The following PRDM5 variants were observed in gnomAD, a reference collection of about 807,000 sequenced individuals.
PRDM5 encodes the protein PR domain zinc finger protein 5.
Under a neutral mutation model 81.2 loss-of-function variants are expected in PRDM5, and 56 were observed. The ratio of observed to expected loss-of-function variants is 0.69; its 90% CI spans 0.56 to 0.86. The LOEUF is 0.86. PRDM5 is among the 40% of genes least tolerant of loss of function. The pLI, the probability that PRDM5 is intolerant of heterozygous loss-of-function variation, is 0.00. For missense variants in PRDM5, 697 were observed against 770.1 expected, an observed-to-expected ratio of 0.91 and a Z score of 1.12; for synonymous variants, 267 against 256.4, an observed-to-expected ratio of 1.04 and a Z score of -0.39.
chr4:120,767,212 T>C (rs917209759), intron 13 of PRDM5, among the ~76,000 whole-genome samples: 10 of 152,186 alleles, frequency 6.6e-5, no homozygotes, highest in African/African-American at 2.2e-4. Context: ...CAATAGCTAA[T>C]TTATCACTGT....
chr4:120,734,391 A>ATC (rs1740748255), intron 14 of PRDM5, among the ~76,000 whole-genome samples: 13 of 147,516 alleles, frequency 8.8e-5, no homozygotes, highest in African/African-American at 3.3e-4. Context: ...ATGTTAGTGG[A>ATC]ACACACACAC....
chr4:120,872,500 C>T (rs978444175), intron 2 of PRDM5, among the ~76,000 whole-genome samples: 2 of 152,114 alleles, frequency 1.3e-5, no homozygotes, highest in African/African-American at 4.8e-5. Flanking sequence ...TCTAAAGTAG[C>T]CAAATCCTTA....
chr4:120,862,216 GAAC>G (rs1374442391), intron 2 of PRDM5, among the ~76,000 whole-genome samples: 2 of 152,146 alleles, frequency 1.3e-5, no homozygotes, highest in Non-Finnish European at 2.9e-5. Context: ...AACATTTACT[GAAC>G]AACATTTACT....
chr4:120,739,827 A>G (rs1741653992), intron 14 of PRDM5, among the ~76,000 whole-genome samples: 1 of 152,052 alleles, frequency 6.6e-6, no homozygotes, highest in South Asian at 2.1e-4. Flanking sequence ...TTCTGGTGAT[A>G]TTTAAGATAG....
intron 15 of PRDM5, among the ~76,000 whole-genome samples, chr4:120,706,994 AG>A (rs67391432): frequency 0.22 from 33,023 of 151,838 alleles, 3,856 homozygotes; most frequent in Non-Finnish European, 0.28. Flanking sequence ...AAACATTTAA[AG>A]AAGAATTAAT....
At chr4:120,709,706 GT>G (rs11289196) in intron 15 of PRDM5, among the ~76,000 whole-genome samples, 74,617 of 151,788 alleles carry the variant, frequency 0.49, 19,542 homozygotes, top group East Asian at 0.75. Context: ...AAGAACAGTG[GT>G]TTTTTTTCCC....
At position 120,799,689 on chromosome 4, in the gene PRDM5, C is replaced by T; in HGVS notation, c.1002G>A (p.Gln334=). 1 of 1,612,740 alleles carries T rather than the reference C, an allele frequency of 6.2e-7. No individual in the cohort carries two copies. The highest frequency in any genetic ancestry group is 8.5e-7 in the Non-Finnish European group (1 of 1,179,668). The part of the protein sequence containing the change: ...ECMKKFISAN[Q]LKRHMITHSE... ...AGTGGGTGATCATATGACGTTTTAGCTGATTAGCTGAAATAAATTTCTTCA... is the reference window on the plus strand; with the variant it reads ...AGTGGGTGATCATATGACGTTTTAGTTGATTAGCTGAAATAAATTTCTTCA... The change falls in exon 9 of 16, where the codon CAG becomes CAA. Residue 334 remains glutamine (Q), a synonymous_variant. Transcript: ENST00000264808.
At position 120,710,303 on chromosome 4, in the gene PRDM5, ACT is replaced by A; in HGVS notation, c.1728+4_1728+5del. ...GACACTATGGGGGAAAAAAATCCAA[ACT>A]CACATCACACTGAAAAGGCTTTTCT... On this transcript the variant is annotated splice_donor_5th_base_variant and intron_variant, in intron 15 of 15. Transcript: ENST00000264808. The A allele has an allele frequency of 1.2e-6, 2 of 1,613,210 alleles. No homozygotes were observed. Among genetic ancestry groups the A allele is most frequent in the Non-Finnish European group, 1.7e-6 (2 of 1,179,678 alleles).
intron 13 of PRDM5, among the ~76,000 whole-genome samples, chr4:120,774,491 G>C (rs1747758931): frequency 6.6e-6 from 1 of 152,220 alleles, no homozygotes; most frequent in Non-Finnish European, 1.5e-5. Context: ...ATAAAACCAT[G>C]TGATTACTGA....
intron 13 of PRDM5, among the ~76,000 whole-genome samples, chr4:120,770,384 T>C (rs1747094697): frequency 6.6e-6 from 1 of 152,094 alleles, no homozygotes; most frequent in Non-Finnish European, 1.5e-5. Context: ...GGAAGAATAG[T>C]ACAGTGGACA....
At chr4:120,893,774 G>A (rs1764323317) in intron 2 of PRDM5, among the ~76,000 whole-genome samples, 1 of 152,072 alleles carries the variant, frequency 6.6e-6, no homozygotes, top group African/African-American at 2.4e-5. Context: ...ATCTATTTTC[G>A]AATGTATTGA....
At chr4:120,805,122 A>T (rs1164905586) in intron 8 of PRDM5, among the ~76,000 whole-genome samples, 3 of 152,204 alleles carry the variant, frequency 2.0e-5, no homozygotes, top group African/African-American at 7.2e-5. Context: ...ACATTCCTCG[A>T]CACATACACC....
chr4:120,757,323 A>C (rs2149164079), intron 13 of PRDM5, among the ~76,000 whole-genome samples: 1 of 152,294 alleles, frequency 6.6e-6, no homozygotes, highest in East Asian at 1.9e-4. Flanking sequence ...TCCAGCTGTA[A>C]CTCTGACAAG....
At chr4:120,786,163 C>T (rs774235347) in intron 10 of PRDM5, among the ~76,000 whole-genome samples, 65 of 151,884 alleles carry the variant, frequency 4.3e-4, no homozygotes, top group Non-Finnish European at 1.5e-4. Context: ...TATTTATAGC[C>T]TATTAATTTA....
At chr4:120,911,337 G>C (rs1766484967) in intron 1 of PRDM5, among the ~76,000 whole-genome samples, 2 of 152,116 alleles carry the variant, frequency 1.3e-5, no homozygotes, top group Non-Finnish European at 2.9e-5. Context: ...ACTTTGTGCA[G>C]GTCAAATAAA....
At chr4:120,905,755 ACTCT>A (rs1272637799) in intron 2 of PRDM5, among the ~76,000 whole-genome samples, 1 of 151,710 alleles carries the variant, frequency 6.6e-6, no homozygotes, top group Non-Finnish European at 1.5e-5. Context: ...TGCAAGAGAG[ACTCT>A]CTATGTGTGG....
chr4:120,811,348 G>A, intron 8 of PRDM5, 22 bp downstream of exon 8: 2 of 1,474,130 alleles, frequency 1.4e-6, no homozygotes, highest in Non-Finnish European at 1.9e-6. Context: ...ATTAAACTGT[G>A]ATGAATTTTT....
At chr4:120,713,177 TATC>T (rs1384779723) in intron 14 of PRDM5, among the ~76,000 whole-genome samples, 4 of 152,220 alleles carry the variant, frequency 2.6e-5, no homozygotes, top group Non-Finnish European at 5.9e-5. Flanking sequence ...TAGAACCTTT[TATC>T]ATTTTGACAT....
intron 3 of PRDM5, among the ~76,000 whole-genome samples, chr4:120,846,907 G>A (rs2149404628): frequency 6.6e-6 from 1 of 152,212 alleles, no homozygotes; most frequent in South Asian, 2.1e-4. Flanking sequence ...AATGAGTTAA[G>A]TAACTTACTC....
Sources: allele counts gnomAD v4.1 joint callset (sites outside exome capture counted in the v4.1 genomes callset), GRCh38; gene constraint gnomAD v4.1.1; transcripts MANE v1.5; gene names NCBI Gene and HGNC (gene_info 2026-07-23, HGNC 2026-07-21).